The following RTL4 variants were observed in gnomAD, a reference collection of about 807,000 sequenced individuals.
RTL4 encodes the protein retrotransposon Gag-like protein 4.
Under a neutral mutation model 5.3 loss-of-function variants are expected in RTL4, and 4 were observed. That is an observed-to-expected ratio of 0.75 (90% confidence interval 0.37 to 1.72). RTL4 has a LOEUF of 1.72. Among genes scored for constraint, RTL4 ranks in the 40% most tolerant of loss-of-function variants. The probability of loss-of-function intolerance (pLI) is 0.04; values close to 1 mark genes in which losing one functional copy is unlikely to be tolerated. For missense variants in RTL4, 260 were observed against 227.1 expected, an observed-to-expected ratio of 1.14 and a Z score of -0.93; for synonymous variants, 98 against 87.3, an observed-to-expected ratio of 1.12 and a Z score of -0.68.
the RTL4 span, among the ~76,000 whole-genome samples, chrX:112,315,479 G>A: frequency 1.8e-5 from 2 of 111,337 alleles, no homozygotes; most frequent in African/African-American, 6.5e-5. Context: ...GAAATCTGCC[G>A]TTTTCTTTTA....
chrX:112,194,988 A>G, the RTL4 span, among the ~76,000 whole-genome samples: 22,696 of 111,595 alleles, frequency 0.2, 1,725 homozygotes, highest in Admixed American at 0.24. Context: ...TAATGGCATG[A>G]GCAAAAGCAT....
chrX:112,428,832 C>G, the RTL4 span, among the ~76,000 whole-genome samples: 1 of 111,492 alleles, frequency 9.0e-6, no homozygotes, highest in Non-Finnish European at 1.9e-5. Context: ...TTTGGAGACT[C>G]TCTCATTAGG....
chrX:112,353,038 T>C, the RTL4 span, among the ~76,000 whole-genome samples: 311 of 111,846 alleles, frequency 2.8e-3, 3 homozygotes, highest in Non-Finnish European at 3.0e-3. Context: ...GAACAGACGC[T>C]TCTCAAAAGA....
the RTL4 span, among the ~76,000 whole-genome samples, chrX:112,275,746 G>A: frequency 1.8e-5 from 2 of 110,888 alleles, no homozygotes; most frequent in East Asian, 5.7e-4. Flanking sequence ...GACCAGCCTG[G>A]ACAACAGAGA....
chrX:112,260,329 G>A, the RTL4 span, among the ~76,000 whole-genome samples: 4 of 111,375 alleles, frequency 3.6e-5, no homozygotes, highest in African/African-American at 9.8e-5. Flanking sequence ...GCCCTTTAGA[G>A]TCCTCCTGTC....
the RTL4 span, among the ~76,000 whole-genome samples, chrX:112,165,515 C>T: frequency 9.0e-6 from 1 of 111,566 alleles, no homozygotes; most frequent in Non-Finnish European, 1.9e-5. Flanking sequence ...CTTGAATCAC[C>T]TATTTCCTGC....
the RTL4 span, among the ~76,000 whole-genome samples, chrX:112,193,235 T>C: frequency 3.6e-5 from 4 of 112,006 alleles, no homozygotes; most frequent in Non-Finnish European, 7.5e-5. Flanking sequence ...TGATCAAATC[T>C]GGGTAATTGG....
At chrX:112,430,031 G>A in the RTL4 span, among the ~76,000 whole-genome samples, 13 of 110,926 alleles carry the variant, frequency 1.2e-4, no homozygotes, top group African/African-American at 3.6e-4. Context: ...ATTTTCTGGC[G>A]TTTATCATGC....
the RTL4 span, among the ~76,000 whole-genome samples, chrX:112,223,066 G>C: frequency 8.9e-6 from 1 of 112,409 alleles, no homozygotes; most frequent in African/African-American, 3.2e-5. Flanking sequence ...GTTTGAACTG[G>C]GGAAGACAAA....
the RTL4 span, among the ~76,000 whole-genome samples, chrX:112,306,474 A>G: frequency 1.8e-5 from 2 of 111,836 alleles, no homozygotes; most frequent in Admixed American, 9.6e-5. Context: ...TACAAGTGAG[A>G]AAACGAAGCC....
chrX:112,359,455 A>AT, the RTL4 span, among the ~76,000 whole-genome samples: 1 of 111,292 alleles, frequency 9.0e-6, no homozygotes, highest in Admixed American at 9.6e-5. Flanking sequence ...GAAATGTTTT[A>AT]TTTTTTATGT....
the RTL4 span, among the ~76,000 whole-genome samples, chrX:112,431,505 A>G: frequency 1.8e-5 from 2 of 110,693 alleles, no homozygotes; most frequent in Non-Finnish European, 3.8e-5. Context: ...GTCAATTACA[A>G]TTCAGGTTTT....
the RTL4 span, among the ~76,000 whole-genome samples, chrX:112,219,404 G>A: frequency 4.5e-5 from 5 of 111,906 alleles, no homozygotes; most frequent in Non-Finnish European, 7.5e-5. Flanking sequence ...CTCAAAAAAC[G>A]GACATGTGGT....
the RTL4 span, chrX:112,381,387 C>T: frequency 1.7e-6 from 2 of 1,205,169 alleles, no homozygotes; most frequent in Non-Finnish European, 2.2e-6. Flanking sequence ...AAGATAGTGG[C>T]GGAAATGACG....
chrX:112,321,781 T>C, the RTL4 span, among the ~76,000 whole-genome samples: 1 of 111,275 alleles, frequency 9.0e-6, no homozygotes, highest in Non-Finnish European at 1.9e-5. Flanking sequence ...AATAGTAGAA[T>C]TGGGAGTGAA....
the RTL4 span, among the ~76,000 whole-genome samples, chrX:112,379,134 G>C: frequency 1.8e-5 from 2 of 112,573 alleles, no homozygotes; most frequent in East Asian, 5.6e-4. Flanking sequence ...CTCACCATAA[G>C]ATGCACTGGT....
At chrX:112,270,206 T>C in the RTL4 span, among the ~76,000 whole-genome samples, 1 of 112,304 alleles carries the variant, frequency 8.9e-6, no homozygotes, top group Non-Finnish European at 1.9e-5. Flanking sequence ...GGAATCAGCA[T>C]AATTTGCCAG....
the RTL4 span, among the ~76,000 whole-genome samples, chrX:112,151,865 A>T: frequency 2.7e-5 from 3 of 112,164 alleles, no homozygotes; most frequent in South Asian, 1.1e-3. Context: ...ACAGCCATGC[A>T]TGTTTACAAA....
the RTL4 span, among the ~76,000 whole-genome samples, chrX:112,400,404 TA>T: frequency 8.9e-6 from 1 of 112,249 alleles, no homozygotes; most frequent in Non-Finnish European, 1.9e-5. Flanking sequence ...TGTTCTTTTT[TA>T]TTTTTCAAAT....
Sources: allele counts gnomAD v4.1 joint callset (sites outside exome capture counted in the v4.1 genomes callset), GRCh38; gene constraint gnomAD v4.1.1; transcripts MANE v1.5; gene names NCBI Gene and HGNC (gene_info 2026-07-23, HGNC 2026-07-21).